The following CACNA1C variants were observed in gnomAD, a reference collection of about 807,000 sequenced individuals.
The protein encoded by CACNA1C is voltage-dependent L-type calcium channel subunit alpha-1C.
Under a neutral mutation model 229.0 loss-of-function variants are expected in CACNA1C, and 30 were observed. That is an observed-to-expected ratio of 0.13 (90% CI 0.10 to 0.18). The LOEUF (loss-of-function observed/expected upper bound fraction) is 0.18. Ranked by LOEUF, CACNA1C falls within the 10% of genes least tolerant of loss-of-function variation. The pLI, the probability that CACNA1C is intolerant of heterozygous loss-of-function variation, is 1.00. For missense variants in CACNA1C, 1,658 were observed against 2,845.0 expected, an observed-to-expected ratio of 0.58 and a Z score of 9.49; for synonymous variants, 1,114 against 1,132.5, an observed-to-expected ratio of 0.98 and a Z score of 0.33.
At chr12:2,003,158 A>G (rs892618195) in intron 1 of CACNA1C, among the ~76,000 whole-genome samples, 1 of 152,036 alleles carries the variant, frequency 6.6e-6, no homozygotes, top group Non-Finnish European at 1.5e-5. Context: ...TTGTCTTTTT[A>G]TTTTTATGTT....
chr12:2,644,984 C>G (rs563152548), intron 30 of CACNA1C, among the ~76,000 whole-genome samples: 6 of 152,298 alleles, frequency 3.9e-5, no homozygotes, highest in Non-Finnish European at 8.8e-5. Flanking sequence ...AATGCCCGAC[C>G]TCTGCCTCAG....
chr12:2,081,550 G>A (rs959208191), intron 1 of CACNA1C, among the ~76,000 whole-genome samples: 14 of 149,332 alleles, frequency 9.4e-5, no homozygotes, highest in Admixed American at 4.0e-4. Flanking sequence ...CAGCCTGGGC[G>A]ACAGAGCGAG....
chr12:2,058,621 C>T lies in CACNA1C; in HGVS notation c.49+5010C>T, dbSNP rs555823855. On this transcript the variant is annotated intron_variant, in intron 1 of 46. Coordinates refer to ENST00000399655, the MANE Select transcript of CACNA1C (RefSeq NM_000719.7). ...GCTAAACATTCTGATAATGAAATAA[C>T]ACTCTGAGCCATGGCTGTCATTATT... Among the ~76,000 whole-genome samples the T allele has an allele frequency of 7.9e-5, 12 of 152,292 alleles. No homozygotes were observed. In the South Asian group the frequency reaches 2.5e-3, roughly 32 times the overall value.
chr12:2,424,979 C>T (rs1595908643), intron 3 of CACNA1C, among the ~76,000 whole-genome samples: 2 of 152,170 alleles, frequency 1.3e-5, no homozygotes, highest in Non-Finnish European at 2.9e-5. Flanking sequence ...CTCACCTGGG[C>T]GACTGTCTGC....
At chr12:2,617,694 C>T (rs1268819757) in intron 29 of CACNA1C, among the ~76,000 whole-genome samples, 2 of 152,156 alleles carry the variant, frequency 1.3e-5, no homozygotes, top group African/African-American at 2.4e-5. Flanking sequence ...TTTGGGGATA[C>T]CCTGAGGATG....
intron 1 of CACNA1C, among the ~76,000 whole-genome samples, chr12:2,047,459 T>C (rs565684374): frequency 6.6e-6 from 1 of 152,338 alleles, no homozygotes; most frequent in East Asian, 1.9e-4. Context: ...CACATGCCCA[T>C]AGCTCATAGC....
intron 3 of CACNA1C, among the ~76,000 whole-genome samples, chr12:2,434,070 C>T (rs1034592707): frequency 5.9e-5 from 9 of 152,100 alleles, no homozygotes; most frequent in Non-Finnish European, 1.0e-4. Flanking sequence ...CCAATGGTCC[C>T]GGGGGATGCT....
chr12:2,293,960 T>G (rs1004636575), intron 3 of CACNA1C, among the ~76,000 whole-genome samples: 1 of 152,192 alleles, frequency 6.6e-6, no homozygotes, highest in Non-Finnish European at 1.5e-5. Context: ...TAATAGCAAG[T>G]CTTCTTTTGT....
In CACNA1C at chr12:2,235,954, G is replaced by A. The variant is rs139773437; in HGVS notation, c.477+115524G>A. On this transcript the variant is annotated intron_variant, in intron 3 of 46. Transcript: ENST00000399655. The stretch of plus-strand genomic sequence containing the variant: ...GACGTTCACAGGACATCACAGATAG[G>A]CATTACCATTGTCCCTGTTTTATAA... Among the ~76,000 whole-genome samples the A allele has an allele frequency of 6.7e-3, 1,014 of 152,306 alleles. 10 individuals carry two copies. The highest frequency in any genetic ancestry group is 8.5e-3 in the Non-Finnish European group (581 of 68,024).
At chr12:2,683,816 C>G (rs1254571516) in intron 43 of CACNA1C, among the ~76,000 whole-genome samples, 1 of 152,204 alleles carries the variant, frequency 6.6e-6, no homozygotes, top group Non-Finnish European at 1.5e-5. Flanking sequence ...CACTCTGGAA[C>G]GGCAGCACAG....
intron 29 of CACNA1C, chr12:2,614,361 C>T (rs2079352023): frequency 6.6e-6 from 1 of 152,226 alleles, no homozygotes; most frequent in Admixed American, 6.5e-5. Context: ...CTGTGAATTT[C>T]CCTAAAGGGG....
intron 30 of CACNA1C, among the ~76,000 whole-genome samples, chr12:2,636,255 C>T (rs537768226): frequency 1.1e-4 from 16 of 152,336 alleles, no homozygotes; most frequent in Non-Finnish European, 2.4e-4. Flanking sequence ...GCAAGCTGCC[C>T]CCCTGTACAG....
intron 1 of CACNA1C, among the ~76,000 whole-genome samples, chr12:2,094,555 C>T (rs2072957791): frequency 6.6e-6 from 1 of 152,136 alleles, no homozygotes; most frequent in Non-Finnish European, 1.5e-5. Context: ...CACTGAATGC[C>T]AGAAAAGTGC....
At chr12:2,511,490 C>G (rs2099783724) in intron 8 of CACNA1C, among the ~76,000 whole-genome samples, 1 of 152,160 alleles carries the variant, frequency 6.6e-6, no homozygotes, top group African/African-American at 2.4e-5. Context: ...TTCCAGCAGC[C>G]TCGTGCCCTG....
intron 3 of CACNA1C, among the ~76,000 whole-genome samples, chr12:2,270,324 T>C (rs2084323968): frequency 1.3e-5 from 2 of 152,202 alleles, no homozygotes; most frequent in East Asian, 3.8e-4. Flanking sequence ...CCATACACCC[T>C]CCTTCTCTGT....
chr12:2,064,811 A>G (rs1027953981), intron 1 of CACNA1C, among the ~76,000 whole-genome samples: 2 of 152,122 alleles, frequency 1.3e-5, no homozygotes, highest in African/African-American at 4.8e-5. Flanking sequence ...CCTAAGAGTG[A>G]TAATATCATC....
At chr12:2,422,457 C>G (rs1289248585) in intron 3 of CACNA1C, among the ~76,000 whole-genome samples, 1 of 152,104 alleles carries the variant, frequency 6.6e-6, no homozygotes, top group Non-Finnish European at 1.5e-5. Context: ...AGGATCCCAA[C>G]AAGCCTTCCT....
intron 1 of CACNA1C, among the ~76,000 whole-genome samples, chr12:2,094,772 C>A (rs2073078405): frequency 6.6e-6 from 1 of 152,136 alleles, no homozygotes; most frequent in African/African-American, 2.4e-5. Flanking sequence ...GTCTGTGCTT[C>A]AGGGGAAATG....
intron 3 of CACNA1C, among the ~76,000 whole-genome samples, chr12:2,159,873 G>A (rs984181941): frequency 9.2e-5 from 14 of 152,130 alleles, no homozygotes; most frequent in African/African-American, 3.4e-4. Flanking sequence ...CAAAGTGCTG[G>A]GATTATAGGC....
Sources: gnomAD v4.1 joint callset for allele counts (sites outside exome capture counted in the v4.1 genomes callset) on GRCh38, gnomAD v4.1.1 for gene constraint, MANE v1.5 for transcripts, NCBI Gene and HGNC (gene_info 2026-07-23, HGNC 2026-07-21) for gene names.